The following ZMAT1 variants were observed in gnomAD, a reference collection of about 807,000 sequenced individuals.
The protein encoded by ZMAT1 is zinc finger matrin-type protein 1.
ZMAT1 carries 11 observed loss-of-function variants against 18.5 expected under a neutral mutation model. The ratio of observed to expected loss-of-function variants is 0.59; its 90% confidence interval spans 0.37 to 0.98. The LOEUF (loss-of-function observed/expected upper bound fraction) is 0.98, where lower values mean the gene tolerates loss of function less well. Among genes scored for constraint, ZMAT1 ranks in the 50% least tolerant of loss-of-function variants. The pLI is 0.01. For synonymous variants in ZMAT1, 211 were observed against 176.4 expected, an observed-to-expected ratio of 1.20 and a Z score of -1.55; for missense variants, 525 against 496.2, an observed-to-expected ratio of 1.06 and a Z score of -0.55.
chrX:101,902,505 A>G (rs954369235), intron 2 of ZMAT1, among the ~76,000 whole-genome samples: 3 of 112,003 alleles, frequency 2.7e-5, no homozygotes, highest in African/African-American at 9.7e-5. Context: ...GATATAGGAA[A>G]CCAGGCTAAT....
At chrX:101,907,917 G>A (rs989426864) in intron 1 of ZMAT1, among the ~76,000 whole-genome samples, 4 of 111,477 alleles carry the variant, frequency 3.6e-5, no homozygotes, top group Admixed American at 2.9e-4. Flanking sequence ...AACAGAGCAG[G>A]AGTACCTATA....
intron 4 of ZMAT1, among the ~76,000 whole-genome samples, chrX:101,897,560 AAAG>A (rs1226390710): frequency 9.1e-6 from 1 of 109,809 alleles, no homozygotes; most frequent in Non-Finnish European, 1.9e-5. Flanking sequence ...AAAAAAAAAA[AAAG>A]AAACTGACAA....
intron 1 of ZMAT1, among the ~76,000 whole-genome samples, chrX:101,929,438 TATA>T (rs1335134418): frequency 1.2e-5 from 1 of 82,531 alleles, no homozygotes; most frequent in Non-Finnish European, 2.2e-5. Context: ...TATATATATA[TATA>T]TATATATATA....
At chrX:101,922,315 C>T (rs907775516) in intron 1 of ZMAT1, among the ~76,000 whole-genome samples, 3 of 111,449 alleles carry the variant, frequency 2.7e-5, no homozygotes, top group African/African-American at 9.8e-5. Context: ...CAAAGTCACA[C>T]AGTTGATAAG....
intron 1 of ZMAT1, among the ~76,000 whole-genome samples, chrX:101,908,297 A>G (rs753044332): frequency 8.9e-6 from 1 of 112,091 alleles, no homozygotes; most frequent in Non-Finnish European, 1.9e-5. Flanking sequence ...TGAACTTCCC[A>G]TCCATTAAAA....
intron 4 of ZMAT1, among the ~76,000 whole-genome samples, chrX:101,897,199 T>C (rs1176663025): frequency 4.6e-5 from 5 of 107,847 alleles, no homozygotes; most frequent in Non-Finnish European, 7.7e-5. Flanking sequence ...AGGACATGGA[T>C]GAAATTGGAA....
chrX:101,886,241 T>C (rs1206983618), intron 5 of ZMAT1, among the ~76,000 whole-genome samples: 3 of 111,772 alleles, frequency 2.7e-5, no homozygotes, highest in Non-Finnish European at 3.8e-5. Flanking sequence ...GTCCATCTAA[T>C]AGCAAGACCT....
At chrX:101,927,861 G>A (rs1342418547) in intron 1 of ZMAT1, among the ~76,000 whole-genome samples, 1 of 112,001 alleles carries the variant, frequency 8.9e-6, no homozygotes, top group Non-Finnish European at 1.9e-5. Context: ...ATATAGTAGG[G>A]GGTATGCTTA....
chrX:101,893,246 C>T (rs1316205118), intron 4 of ZMAT1, among the ~76,000 whole-genome samples: 1 of 111,492 alleles, frequency 9.0e-6, no homozygotes, highest in Non-Finnish European at 1.9e-5. Context: ...CAGGAGTGCA[C>T]ACACTTCTCA....
intron 1 of ZMAT1, among the ~76,000 whole-genome samples, chrX:101,908,953 G>A (rs1365722240): frequency 9.1e-6 from 1 of 109,909 alleles, no homozygotes; most frequent in Non-Finnish European, 1.9e-5. Context: ...AGGAAGGACT[G>A]AAATCACCCC....
At chrX:101,884,856 T>C (rs751004141) in intron 5 of ZMAT1, 35 bp from the exon 6 acceptor site, 1 of 794,917 alleles carries the variant, frequency 1.3e-6, no homozygotes, top group Admixed American at 3.2e-5. Context: ...GTTATTAGAT[T>C]ATTTTATTCT....
chrX:101,888,790 A>G (rs1927157722), intron 4 of ZMAT1: 1 of 112,034 alleles, frequency 8.9e-6, no homozygotes, highest in African/African-American at 3.2e-5. Flanking sequence ...GGCCCAAGGT[A>G]ATTCTTCTTC....
chrX:101,911,229 C>A (rs1928941772), intron 1 of ZMAT1, among the ~76,000 whole-genome samples: 1 of 111,563 alleles, frequency 9.0e-6, no homozygotes, highest in Admixed American at 9.5e-5. Flanking sequence ...CCAAGACAAA[C>A]AAATGCTGAC....
intron 1 of ZMAT1, 65 bp downstream of exon 1, chrX:101,931,652 G>T (rs943785279): frequency 2.7e-6 from 2 of 745,620 alleles, no homozygotes; most frequent in Non-Finnish European, 3.2e-6. Context: ...GCCCAATCTC[G>T]GACGGGCTGA....
intron 1 of ZMAT1, among the ~76,000 whole-genome samples, chrX:101,919,906 C>G (rs183175872): frequency 9.1e-6 from 1 of 110,407 alleles, no homozygotes. Context: ...CAGTTTCAGG[C>G]TTCAGGATTG....
intron 4 of ZMAT1, chrX:101,887,631 G>A (rs1927057448): frequency 9.0e-6 from 1 of 111,217 alleles, no homozygotes; most frequent in South Asian, 3.8e-4. Flanking sequence ...TTATTACCAA[G>A]TATATTGGCC....
At position 101,883,754 on chromosome X, in the gene ZMAT1, T is replaced by C. The variant is rs989225060; in HGVS notation, c.1844A>G (p.Lys615Arg). ...TTCATAACTCTTTTTCCTTTTATGC[T>C]TGGACTGCTCTTTCTCTGGCCTTTC... Reference protein sequence around the residue: ...GKERPEKEQSKHKRKKSYEDT... With the variant: ...GKERPEKEQSRHKRKKSYEDT... Residue 615 changes from lysine to arginine, a missense_variant, in exon 6 of 6, where the codon AAG becomes AGG. By Grantham distance (26) the Lys-to-Arg change is conservative. Coordinates refer to ENST00000651725, the MANE Select transcript of ZMAT1 (RefSeq NM_001394560.1). 8.3e-7 allele frequency: 1 copy of C among 1,208,907 alleles called. No individual in the cohort carries two copies. The highest frequency in any genetic ancestry group is 1.7e-5 in the African/African-American group (1 of 57,458).
chrX:101,912,046 C>G, intron 1 of ZMAT1: 1 of 1,146,521 alleles, frequency 8.7e-7, no homozygotes, highest in Non-Finnish European at 1.2e-6. Flanking sequence ...CCTCCCTTAC[C>G]AAGCACCAGA....
At chrX:101,890,674 G>A (rs1411465966) in intron 4 of ZMAT1, among the ~76,000 whole-genome samples, 1 of 110,972 alleles carries the variant, frequency 9.0e-6, no homozygotes, top group African/African-American at 3.3e-5. Context: ...AAGTAAGAGA[G>A]GTATGTTTAA....
Sources: allele counts gnomAD v4.1 joint callset (sites outside exome capture counted in the v4.1 genomes callset), GRCh38; gene constraint gnomAD v4.1.1; transcripts MANE v1.5; gene names NCBI Gene and HGNC (gene_info 2026-07-23, HGNC 2026-07-21).